The following ENTREP2 variants were observed in gnomAD, a reference collection of about 807,000 sequenced individuals.
ENTREP2 encodes the protein endosomal transmembrane epsin interactor 2.
the ENTREP2 span, among the ~76,000 whole-genome samples, chr15:29,143,806 C>T: frequency 4.6e-5 from 7 of 152,172 alleles, no homozygotes; most frequent in South Asian, 2.1e-4. Flanking sequence ...AATGAAAACC[C>T]GCTCAGAACA....
At chr15:29,435,657 C>CAT in the ENTREP2 span, among the ~76,000 whole-genome samples, 18 of 151,222 alleles carry the variant, frequency 1.2e-4, no homozygotes, top group South Asian at 2.1e-4. Context: ...AATGTTGCTG[C>CAT]ATATATATAT....
chr15:29,478,822 T>G, the ENTREP2 span, among the ~76,000 whole-genome samples: 1 of 146,300 alleles, frequency 6.8e-6, no homozygotes, highest in East Asian at 2.1e-4. Flanking sequence ...GGAGAATCTC[T>G]TGAACCGGGG....
At chr15:29,443,233 G>C in the ENTREP2 span, among the ~76,000 whole-genome samples, 2 of 152,146 alleles carry the variant, frequency 1.3e-5, no homozygotes, top group Non-Finnish European at 2.9e-5. Context: ...ACATGTAAAA[G>C]CCAAAAGGAG....
At chr15:29,521,860 A>AC in the ENTREP2 span, among the ~76,000 whole-genome samples, 1 of 132,808 alleles carries the variant, frequency 7.5e-6, no homozygotes, top group South Asian at 2.4e-4. Flanking sequence ...ACATACACTT[A>AC]AACACACACA....
chr15:29,377,342 G>A, the ENTREP2 span, among the ~76,000 whole-genome samples: 1 of 152,050 alleles, frequency 6.6e-6, no homozygotes, highest in South Asian at 2.1e-4. Flanking sequence ...GAAGGGGAGT[G>A]ACACAGGCTG....
chr15:29,252,521 G>T, the ENTREP2 span: 1 of 1,187,072 alleles, frequency 8.4e-7, no homozygotes, highest in Non-Finnish European at 1.2e-6. Flanking sequence ...CACTTGGAGA[G>T]GCTCAAAGGA....
chr15:29,452,125 A>G, the ENTREP2 span, among the ~76,000 whole-genome samples: 1 of 152,222 alleles, frequency 6.6e-6, no homozygotes, highest in African/African-American at 2.4e-5. Context: ...TAATTCCCTA[A>G]GCCAAACCCA....
At chr15:29,177,949 G>A in the ENTREP2 span, among the ~76,000 whole-genome samples, 5 of 152,064 alleles carry the variant, frequency 3.3e-5, no homozygotes, top group Admixed American at 3.3e-4. Flanking sequence ...AGGGACACCC[G>A]GGTGGTGACA....
the ENTREP2 span, among the ~76,000 whole-genome samples, chr15:29,395,807 T>C: frequency 2.3e-4 from 35 of 152,244 alleles, 1 homozygote; most frequent in African/African-American, 8.2e-4. Flanking sequence ...GTGCTGGGAT[T>C]ACAGGTGTGA....
chr15:29,460,129 G>A, the ENTREP2 span, among the ~76,000 whole-genome samples: 4 of 110,746 alleles, frequency 3.6e-5, no homozygotes, highest in African/African-American at 9.6e-5. Context: ...GTGCACGCCT[G>A]TAGTCCCAGC....
chr15:29,377,705 CA>C, the ENTREP2 span, among the ~76,000 whole-genome samples: 1 of 151,724 alleles, frequency 6.6e-6, no homozygotes, highest in East Asian at 1.9e-4. Flanking sequence ...CCTTTAATCC[CA>C]GCTACTCAGG....
the ENTREP2 span, among the ~76,000 whole-genome samples, chr15:29,424,389 T>G: frequency 6.6e-6 from 1 of 152,162 alleles, no homozygotes; most frequent in Admixed American, 6.6e-5. Flanking sequence ...GAGTGCTGAT[T>G]GGTGTGTTTT....
At chr15:29,126,299 C>T in the ENTREP2 span, 1 of 1,491,874 alleles carries the variant, frequency 6.7e-7, no homozygotes, top group Non-Finnish European at 9.0e-7. Context: ...GGTGGGGTCG[C>T]TGGTGGAGCG....
At chr15:29,560,975 C>T in the ENTREP2 span, among the ~76,000 whole-genome samples, 7 of 4,314 alleles carry the variant, frequency 1.6e-3, no homozygotes, top group East Asian at 0.12. Flanking sequence ...GTTGCCTCCA[C>T]ACAATGATGG....
chr15:29,503,741 T>G, the ENTREP2 span, among the ~76,000 whole-genome samples: 1 of 152,304 alleles, frequency 6.6e-6, no homozygotes, highest in East Asian at 1.9e-4. Context: ...TTAATGAATA[T>G]GCAGCAAAAA....
chr15:29,489,017 G>A, the ENTREP2 span, among the ~76,000 whole-genome samples: 1 of 152,168 alleles, frequency 6.6e-6, no homozygotes, highest in African/African-American at 2.4e-5. Flanking sequence ...TGGAGACAAT[G>A]AAAATAATTT....
chr15:29,449,431 GGAA>G, the ENTREP2 span, among the ~76,000 whole-genome samples: 1 of 152,200 alleles, frequency 6.6e-6, no homozygotes. Flanking sequence ...GACAGGGACA[GGAA>G]GAAGAAGGAG....
At chr15:29,354,610 C>T in the ENTREP2 span, among the ~76,000 whole-genome samples, 5 of 152,008 alleles carry the variant, frequency 3.3e-5, no homozygotes, top group Non-Finnish European at 5.9e-5. Context: ...AGAGTAAATT[C>T]TTAGAAATTT....
At chr15:29,564,568 CAGTT>C in the ENTREP2 span, among the ~76,000 whole-genome samples, 2 of 152,230 alleles carry the variant, frequency 1.3e-5, no homozygotes, top group Admixed American at 6.5e-5. Flanking sequence ...GGTCCACACA[CAGTT>C]AGTTGCTCTC....
Sources: gnomAD v4.1 joint callset for allele counts (sites outside exome capture counted in the v4.1 genomes callset) on GRCh38, gnomAD v4.1.1 for gene constraint, MANE v1.5 for transcripts, NCBI Gene and HGNC (gene_info 2026-07-23, HGNC 2026-07-21) for gene names.